Variants in KL observed in about 807,000 individuals in gnomAD.
KL encodes the protein alpha-klotho.
A neutral mutation model predicts 84.2 loss-of-function variants in KL; 62 were observed. The observed-to-expected ratio is 0.74, with a 90% CI of 0.60 to 0.91. KL has a LOEUF of 0.91. KL is among the 40% of genes least tolerant of loss of function. KL has a pLI of 0.00. For synonymous variants in KL, 528 were observed against 528.0 expected, an observed-to-expected ratio of 1.00 and a Z score of 0.00; for missense variants, 1,261 against 1,305.7, an observed-to-expected ratio of 0.97 and a Z score of 0.53.
chr13:33,063,781 A>G, intron 4 of KL, 68 bp from the exon 5 acceptor site: 1 of 1,459,376 alleles, frequency 6.9e-7, no homozygotes, highest in Non-Finnish European at 9.6e-7. Flanking sequence ...CGTCTCAAAA[A>G]AAAAAAAAAG....
In KL at chr13:33,017,051, A is replaced by G. The variant is rs1870383915; in HGVS notation, c.611A>G (p.Tyr204Cys). Residue 204 changes from tyrosine (Y) to cysteine (C), a missense_variant, in exon 1 of 5, where the codon TAC becomes TGC. Tyr to Cys is a radical substitution (Grantham distance 194). Transcript: ENST00000380099. The stretch of plus-strand genomic sequence containing the variant: ...CTGCCCCAGCGCCTGCAGGACGCCT[A>G]CGGCGGCTGGGCCAACCGCGCCCTG... ...WDLPQRLQDA[Y>C]GGWANRALAD... 1.2e-6 allele frequency: 2 copies of G among 1,601,646 alleles called. No homozygotes were observed. Among genetic ancestry groups the G allele is most frequent in the Non-Finnish European group, 1.7e-6 (2 of 1,177,944 alleles).
At chr13:33,055,421 G>A (rs1871923193) in intron 3 of KL, 106 bp downstream of exon 3, 3 of 1,465,150 alleles carry the variant, frequency 2.0e-6, no homozygotes, top group Middle Eastern at 3.5e-4. Context: ...CGTTCTTTGA[G>A]CCAAAAACAA....
intron 1 of KL, among the ~76,000 whole-genome samples, chr13:33,020,481 G>A (rs9526933): frequency 0.16 from 24,169 of 151,950 alleles, 2,034 homozygotes; most frequent in African/African-American, 0.19. Context: ...AGGTTTCCCC[G>A]AGCATCAGAC....
intron 1 of KL, among the ~76,000 whole-genome samples, chr13:33,035,099 G>C (rs1237842016): frequency 6.6e-6 from 1 of 152,186 alleles, no homozygotes; most frequent in East Asian, 1.9e-4. Context: ...AAAGAAGGGG[G>C]AAAGAGCAGG....
rs757357091 is a variant in KL, at chr13:33,061,215, T to C, written c.2136T>C (p.His712=). The C allele has an allele frequency of 1.9e-6, 3 of 1,614,220 alleles. No individual in the cohort carries two copies. Among genetic ancestry groups the C allele is most frequent in the Non-Finnish European group, 2.5e-6 (3 of 1,180,036 alleles). ...NLLKAHALAW[H]VYNEKFRHAQ... ...TGAAGGCCCATGCCCTGGCTTGGCA[T>C]GTGTACAATGAAAAGTTTAGGCATG... Residue 712 remains histidine (H), a synonymous_variant, in exon 4 of 5, where the codon CAT becomes CAC. Transcript: ENST00000380099.
At position 33,049,854 on chromosome 13, in the gene KL, T is replaced by C. The variant is rs577748908; in HGVS notation, c.820-3913T>C. 7.9e-5 allele frequency among the ~76,000 whole-genome samples: 12 copies of C among 152,260 alleles called. No individual in the cohort carries two copies. In the South Asian group the frequency reaches 2.3e-3, roughly 29 times the overall value. On this transcript the variant is annotated intron_variant, in intron 1 of 4. Coordinates refer to ENST00000380099, the MANE Select transcript of KL (RefSeq NM_004795.4). The stretch of plus-strand genomic sequence containing the variant: ...TAATCTCTAGAGCAATACATGTTTA[T>C]GGTAGGAAATGAAAAAAATATATAG...
rs574264355 is a variant in KL, at chr13:33,041,945, C to G, written c.820-11822C>G. Among the ~76,000 whole-genome samples, 6 of 152,252 alleles carry G rather than the reference C, an allele frequency of 3.9e-5. No individual in the cohort carries two copies. In the East Asian group the frequency reaches 1.2e-3, roughly 29 times the overall value. ...TCTCTGCTTTGTTTTCATTTGTTAT[C>G]TCTCTTCTTCCCAAGAATGTAAGCT... On this transcript the variant is annotated intron_variant, in intron 1 of 4. Coordinates refer to ENST00000380099, the MANE Select transcript of KL (RefSeq NM_004795.4).
intron 2 of KL, among the ~76,000 whole-genome samples, chr13:33,054,647 A>G (rs1235568707): frequency 6.6e-6 from 1 of 152,222 alleles, no homozygotes; most frequent in African/African-American, 2.4e-5. Flanking sequence ...AGAAAAAGGA[A>G]TGTCCATGTT....
At chr13:33,051,916 C>T (rs940950016) in intron 1 of KL, among the ~76,000 whole-genome samples, 2 of 152,140 alleles carry the variant, frequency 1.3e-5, no homozygotes, top group East Asian at 1.9e-4. Flanking sequence ...CTAGCCTGGA[C>T]TGCTCAATGG....
At chr13:33,027,169 A>G (rs1478809157) in intron 1 of KL, among the ~76,000 whole-genome samples, 2 of 152,150 alleles carry the variant, frequency 1.3e-5, no homozygotes, top group Admixed American at 6.5e-5. Context: ...TGCATGCTCA[A>G]TCTTGAAGCA....
chr13:33,023,924 T>C (rs1870664187), intron 1 of KL, among the ~76,000 whole-genome samples: 2 of 152,216 alleles, frequency 1.3e-5, no homozygotes, highest in African/African-American at 4.8e-5. Flanking sequence ...CAGGACGAAC[T>C]CCTTACAGTG....
chr13:33,054,931 A>G lies in KL; in HGVS notation c.1331-116A>G. The stretch of plus-strand genomic sequence containing the variant: ...CAAGAAGAAAAATCATTGGCTTACC[A>G]AACGAGAAGCATTACACTTTATTTA... On this transcript the variant is annotated intron_variant, in intron 2 of 4. Transcript: ENST00000380099. 3 of 1,332,292 alleles carry G rather than the reference A, an allele frequency of 2.3e-6. No homozygotes were observed. In the East Asian group the frequency reaches 7.0e-5, roughly 31 times the overall value. 82.5% of individuals were successfully genotyped at this position (1,332,292 alleles called of 1,614,324 possible).
intron 1 of KL, among the ~76,000 whole-genome samples, chr13:33,052,292 G>A (rs1242430409): frequency 6.6e-6 from 1 of 152,166 alleles, no homozygotes; most frequent in Non-Finnish European, 1.5e-5. Context: ...AACATCATGA[G>A]GTTTCCTTTC....
intron 1 of KL, among the ~76,000 whole-genome samples, chr13:33,034,836 C>T (rs1181330386): frequency 6.6e-6 from 1 of 152,138 alleles, no homozygotes; most frequent in Non-Finnish European, 1.5e-5. Flanking sequence ...CAGTGAGTTC[C>T]AAACTTTTTT....
chr13:33,029,622 G>GTTAT (rs573407299), intron 1 of KL, among the ~76,000 whole-genome samples: 92 of 152,110 alleles, frequency 6.0e-4, no homozygotes, highest in South Asian at 1.2e-3. Context: ...CTGAGACTAG[G>GTTAT]TTATTTATTT....
At chr13:33,054,899 C>A (rs771395135) in intron 2 of KL, 148 bp from the exon 3 acceptor site, 1 of 1,032,272 alleles carries the variant, frequency 9.7e-7, no homozygotes, top group Non-Finnish European at 1.5e-6. Context: ...TGATTAGAGT[C>A]TTTCGTCAAG....
At chr13:33,034,298 C>T (rs1566501418) in intron 1 of KL, among the ~76,000 whole-genome samples, 1 of 152,200 alleles carries the variant, frequency 6.6e-6, no homozygotes, top group Non-Finnish European at 1.5e-5. Context: ...TCCCATTCTC[C>T]TATCCTCATT....
Position 33,053,867 on chromosome 13 carries a change from G to A in KL, c.920G>A (p.Arg307Lys). The A allele has an allele frequency of 6.2e-7, 1 of 1,614,120 alleles. No homozygotes were observed. Among genetic ancestry groups the A allele is most frequent in the Non-Finnish European group, 8.5e-7 (1 of 1,180,024 alleles). ...AGCTCTCACTGGATCAATCCTCGAA[G>A]AATGACCGACCACAGCATCAAAGAA... ...ALSSHWINPRRMTDHSIKECQ... is the reference protein window; with the variant it reads ...ALSSHWINPRKMTDHSIKECQ... The change falls in exon 2 of 5, where the codon AGA becomes AAA. Residue 307 changes from arginine (R) to lysine (K), a missense_variant. Transcript: ENST00000380099.
chr13:33,054,090 C>G lies in KL; in HGVS notation c.1143C>G (p.Asp381Glu). Reference protein sequence around the residue: ...FGPTLSFQLLDPHMKFRQLES... With the variant: ...FGPTLSFQLLEPHMKFRQLES... The stretch of plus-strand genomic sequence containing the variant: ...CCACCTTGAGTTTTCAACTTTTGGA[C>G]CCTCACATGAAGTTCCGCCAATTGG... The change falls in exon 2 of 5, where the codon GAC becomes GAG. Residue 381 changes from aspartate to glutamate, a missense_variant. Transcript: ENST00000380099. 1.2e-6 allele frequency: 2 copies of G among 1,613,632 alleles called. No individual in the cohort carries two copies. Among genetic ancestry groups the G allele is most frequent in the Non-Finnish European group, 1.7e-6 (2 of 1,179,932 alleles).
Sources: allele counts gnomAD v4.1 joint callset (sites outside exome capture counted in the v4.1 genomes callset), GRCh38; gene constraint gnomAD v4.1.1; transcripts MANE v1.5; gene names NCBI Gene and HGNC (gene_info 2026-07-23, HGNC 2026-07-21).